Variants in HIPK2 observed in about 807,000 individuals in gnomAD.
The protein encoded by HIPK2 is homeodomain interacting protein kinase 2.
Under a neutral mutation model 113.7 loss-of-function variants are expected in HIPK2, and 27 were observed. The ratio of observed to expected loss-of-function variants is 0.24; its 90% confidence interval spans 0.17 to 0.33. The LOEUF (loss-of-function observed/expected upper bound fraction) is 0.33, where lower values mean the gene tolerates loss of function less well. Among genes scored for constraint, HIPK2 ranks in the 10% least tolerant of loss-of-function variants. The probability of loss-of-function intolerance (pLI) is 1.00; values close to 1 mark genes in which losing one functional copy is unlikely to be tolerated. For missense variants in HIPK2, 1,257 were observed against 1,588.0 expected, an observed-to-expected ratio of 0.79 and a Z score of 3.54; for synonymous variants, 631 against 642.2, an observed-to-expected ratio of 0.98 and a Z score of 0.26.
chr7:139,664,195 T>C (rs941706573), intron 2 of HIPK2, among the ~76,000 whole-genome samples: 1 of 152,220 alleles, frequency 6.6e-6, no homozygotes, highest in Non-Finnish European at 1.5e-5. Context: ...TTTGCATTCA[T>C]CTACTTATTT....
chr7:139,717,156 A>T, intron 1 of HIPK2, 141 bp from the exon 2 acceptor site: 1 of 1,145,292 alleles, frequency 8.7e-7, no homozygotes, highest in Non-Finnish European at 1.2e-6. Context: ...TGAAAAAGTG[A>T]ATCTCTTCCA....
At chr7:139,601,242 C>CAA (rs11340089) in intron 10 of HIPK2, among the ~76,000 whole-genome samples, 4 of 92,700 alleles carry the variant, frequency 4.3e-5, no homozygotes, top group Admixed American at 1.1e-4. Context: ...GACACTGTCT[C>CAA]AAAAAAAAAA....
chr7:139,585,679 G>A (rs749960885), intron 12 of HIPK2, among the ~76,000 whole-genome samples: 1 of 152,188 alleles, frequency 6.6e-6, no homozygotes. Flanking sequence ...GAAAATACAA[G>A]TGCTTTCAAT....
intron 1 of HIPK2, among the ~76,000 whole-genome samples, chr7:139,719,888 TC>T (rs1795357145): frequency 6.6e-6 from 1 of 152,216 alleles, no homozygotes; most frequent in African/African-American, 2.4e-5. Context: ...GCACTCTGTC[TC>T]CCTTTAATTT....
At chr7:139,726,171 C>T (rs1795569026) in intron 1 of HIPK2, among the ~76,000 whole-genome samples, 1 of 152,140 alleles carries the variant, frequency 6.6e-6, no homozygotes, top group South Asian at 2.1e-4. Context: ...AAAGAGGTAA[C>T]CACTGCTTAT....
intron 13 of HIPK2, among the ~76,000 whole-genome samples, chr7:139,577,331 A>G (rs1325478984): frequency 6.6e-6 from 1 of 151,806 alleles, no homozygotes; most frequent in Non-Finnish European, 1.5e-5. Flanking sequence ...TTGTATTTTT[A>G]GTAGAGACAG....
chr7:139,607,555 A>G (rs1799662848), intron 9 of HIPK2, among the ~76,000 whole-genome samples: 1 of 152,192 alleles, frequency 6.6e-6, no homozygotes, highest in East Asian at 1.9e-4. Context: ...AATGAGATAT[A>G]CAGAAAACTA....
intron 2 of HIPK2, among the ~76,000 whole-genome samples, chr7:139,695,463 A>G (rs1794534769): frequency 6.6e-6 from 1 of 152,198 alleles, no homozygotes; most frequent in East Asian, 1.9e-4. Context: ...CGCCAACCTG[A>G]TTGCCTGACA....
chr7:139,660,877 CA>C (rs1484650304), intron 2 of HIPK2, among the ~76,000 whole-genome samples: 1 of 152,168 alleles, frequency 6.6e-6, no homozygotes, highest in Admixed American at 6.5e-5. Flanking sequence ...GGTATGAGCA[CA>C]AAAGGGGAGC....
chr7:139,626,488 G>A (rs1179654438), intron 6 of HIPK2, 113 bp downstream of exon 6: 2 of 1,070,402 alleles, frequency 1.9e-6, no homozygotes, highest in Non-Finnish European at 2.7e-6. Context: ...CAGCTACAGT[G>A]ACAGCTGAGT....
At position 139,572,918 on chromosome 7, in the gene HIPK2, CTCCA is replaced by C; in HGVS notation, c.*5_*8del. 5.7e-6 allele frequency: 8 copies of C among 1,394,544 alleles called. No individual in the cohort carries two copies. Among genetic ancestry groups the C allele is most frequent in the South Asian group, 5.5e-5 (4 of 72,484 alleles). The allele number at this position is 1,394,544 out of a possible 1,614,324, so 86.4% of individuals were successfully genotyped here. A position where few individuals can be genotyped will look rare whatever the true frequency, so the allele number is the denominator to read the frequency against. ...CTCCCTCCCTCCCTCCCTCCCTCCC[CTCCA>C]GTGTTTATATGTAAGGGTACTGGTT... is the stretch of plus-strand genomic sequence containing the variant. On this transcript the variant is annotated 3_prime_UTR_variant, in exon 15 of 15. Coordinates refer to ENST00000406875, the MANE Select transcript of HIPK2 (RefSeq NM_022740.5).
At chr7:139,670,353 G>T (rs1025294772) in intron 2 of HIPK2, among the ~76,000 whole-genome samples, 5 of 152,046 alleles carry the variant, frequency 3.3e-5, no homozygotes, top group Non-Finnish European at 7.4e-5. Context: ...GTAGGCTGAA[G>T]AGGGAGGATC....
intron 2 of HIPK2, among the ~76,000 whole-genome samples, chr7:139,713,477 C>T (rs1161612985): frequency 6.6e-6 from 1 of 152,182 alleles, no homozygotes; most frequent in Non-Finnish European, 1.5e-5. Context: ...GGAAGCGTCA[C>T]ATGGGCACCA....
At chr7:139,719,538 C>T (rs1795347258) in intron 1 of HIPK2, among the ~76,000 whole-genome samples, 1 of 152,218 alleles carries the variant, frequency 6.6e-6, no homozygotes, top group African/African-American at 2.4e-5. Context: ...GCTGGGCTCT[C>T]CCTCAGAGGT....
rs540980835 is a variant in HIPK2 at position 139,630,420 on chromosome 7, C to G, written c.1347+745G>C. Among the ~76,000 whole-genome samples the G allele has an allele frequency of 6.6e-6, 1 of 152,232 alleles. No individual in the cohort carries two copies. Among genetic ancestry groups the G allele is most frequent in the South Asian group, 2.1e-4 (1 of 4,820 alleles). ...CATTCTTCCTTTTCTTTTTTTGAGA[C>G]ACAGTCTCACTCTGTCGCCCAGGCT... is the stretch of plus-strand genomic sequence containing the variant. On this transcript the variant is annotated intron_variant, in intron 4 of 14. Transcript: ENST00000406875. The surrounding 1 kb of genome is among the most constrained non-coding windows in gnomAD (Gnocchi z 4.0).
chr7:139,727,686 C>T (rs1328680474), intron 1 of HIPK2, among the ~76,000 whole-genome samples: 1 of 152,194 alleles, frequency 6.6e-6, no homozygotes, highest in East Asian at 1.9e-4. Flanking sequence ...AAGCCATCAA[C>T]CACTGTGGGT....
chr7:139,613,127 G>A lies in HIPK2; in HGVS notation c.2112+75C>T. 6.4e-7 allele frequency: 1 copy of A among 1,551,008 alleles called. No individual in the cohort carries two copies. The highest frequency in any genetic ancestry group is 8.8e-7 in the Non-Finnish European group (1 of 1,135,034). ...CTCATTACTAGGGAGAGAGGGAGTG[G>A]AGATATATATCTTTTGTGAACAACA... On this transcript the variant is annotated intron_variant, in intron 9 of 14. Transcript: ENST00000406875. The surrounding 1 kb of genome is among the most constrained non-coding windows in gnomAD (Gnocchi z 4.2).
rs976604215 is a variant in HIPK2, at chr7:139,714,161, C to A, written c.1103+1771G>T. Among the ~76,000 whole-genome samples the A allele has an allele frequency of 6.6e-5, 10 of 152,146 alleles. No individual in the cohort carries two copies. The highest frequency in any genetic ancestry group is 2.4e-4 in the African/African-American group (10 of 41,442). On this transcript the variant is annotated intron_variant, in intron 2 of 14. Coordinates refer to ENST00000406875, the MANE Select transcript of HIPK2 (RefSeq NM_022740.5). The surrounding 1 kb of genome is among the most constrained non-coding windows in gnomAD (Gnocchi z 4.2). Reference sequence around the variant, plus strand: ...TGGTGAAAGCACAGGCCTGTGGAGACCTTTCTGCGCATAGGAAATGAGCGG... The same window carrying A: ...TGGTGAAAGCACAGGCCTGTGGAGAACTTTCTGCGCATAGGAAATGAGCGG...
At position 139,573,232 on chromosome 7, in the gene HIPK2, T is replaced by A. The variant is rs770019150; in HGVS notation, c.3292A>T (p.Thr1098Ser). The A allele has an allele frequency of 7.0e-6, 11 of 1,573,292 alleles. No individual in the cohort carries two copies. The highest frequency in any genetic ancestry group is 1.4e-5 in the African/African-American group (1 of 72,718). ...GTGTAGGTGTAGAGGTGGGGCTGGG[T>A]GGGGAGGTGGGCAGCGGCAGCGGCT... ...AAAAAAAHLP[T>S]QPHLYTYTAP... is the part of the protein sequence containing the mutation. The change falls in exon 15 of 15, where the codon ACC becomes TCC. Residue 1098 changes from threonine to serine, a missense_variant. By Grantham distance (58) the Thr-to-Ser change is moderately conservative. Transcript: ENST00000406875.
Sources: allele counts gnomAD v4.1 joint callset (sites outside exome capture counted in the v4.1 genomes callset), GRCh38; gene constraint gnomAD v4.1.1; non-coding constraint Gnocchi (gnomAD v3.1); transcripts MANE v1.5; gene names NCBI Gene and HGNC (gene_info 2026-07-23, HGNC 2026-07-21).